Variants in CCDC149 observed in about 807,000 individuals in gnomAD.
CCDC149 encodes coiled-coil domain containing 149.
CCDC149 carries 45 observed loss-of-function variants against 59.9 expected under a neutral mutation model. The observed-to-expected ratio is 0.75, with a 90% confidence interval of 0.59 to 0.96. The LOEUF (loss-of-function observed/expected upper bound fraction) is 0.96, where lower values mean the gene tolerates loss of function less well. CCDC149 is among the 40% of genes least tolerant of loss of function. The probability of loss-of-function intolerance (pLI) is 0.00; values close to 1 mark genes in which losing one functional copy is unlikely to be tolerated. For synonymous variants in CCDC149, 245 were observed against 260.6 expected (o/e 0.94, Z 0.58); for missense variants, 584 against 664.7 (o/e 0.88, Z 1.33).
At chr4:24,824,892 G>GA (rs1715626222) in intron 9 of CCDC149, among the ~76,000 whole-genome samples, 4 of 152,186 alleles carry the variant, frequency 2.6e-5, no homozygotes, top group African/African-American at 9.7e-5. Context: ...GTTGAAACAT[G>GA]GATGTGCCCG....
intron 1 of CCDC149, among the ~76,000 whole-genome samples, chr4:24,928,872 T>C (rs567189852): frequency 3.9e-5 from 6 of 152,294 alleles, no homozygotes; most frequent in African/African-American, 1.4e-4. Flanking sequence ...TGGGGTGAAC[T>C]TCATGTGACA....
intron 1 of CCDC149, among the ~76,000 whole-genome samples, chr4:24,881,618 G>A (rs894853096): frequency 1.3e-5 from 2 of 152,216 alleles, no homozygotes; most frequent in African/African-American, 4.8e-5. Context: ...AACCCATCCT[G>A]ACTCATATGG....
At chr4:24,895,870 AT>A (rs1420885181) in intron 1 of CCDC149, among the ~76,000 whole-genome samples, 2 of 152,128 alleles carry the variant, frequency 1.3e-5, no homozygotes, top group Admixed American at 1.3e-4. Context: ...CTGTTGCTCA[AT>A]TTCCAGCCTA....
chr4:24,940,899 G>C (rs1201111273), intron 1 of CCDC149, among the ~76,000 whole-genome samples: 1 of 152,182 alleles, frequency 6.6e-6, no homozygotes, highest in African/African-American at 2.4e-5. Context: ...CATAAAGCAA[G>C]TCCTTAGTGA....
intron 1 of CCDC149, among the ~76,000 whole-genome samples, chr4:24,930,530 G>C (rs1722558392): frequency 1.3e-5 from 2 of 152,096 alleles, no homozygotes; most frequent in Admixed American, 1.3e-4. Flanking sequence ...GGTTTTCTTA[G>C]GCAAATGATT....
chr4:24,909,473 G>C (rs561612135), intron 1 of CCDC149, among the ~76,000 whole-genome samples: 118 of 152,260 alleles, frequency 7.7e-4, no homozygotes, highest in Middle Eastern at 6.8e-3. Context: ...ACTTGACTGG[G>C]CAGGGGAATT....
chr4:24,842,814 C>T (rs961570209), intron 4 of CCDC149, among the ~76,000 whole-genome samples: 5 of 152,190 alleles, frequency 3.3e-5, no homozygotes, highest in Admixed American at 1.3e-4. Flanking sequence ...TCTTAGCCTT[C>T]GTCTCTCACA....
At position 24,837,262 on chromosome 4, in the gene CCDC149, T is replaced by C; in HGVS notation, c.628A>G (p.Ile210Val). 6.2e-7 allele frequency: 1 copy of C among 1,614,248 alleles called. No homozygotes were observed. Among genetic ancestry groups the C allele is most frequent in the Non-Finnish European group, 8.5e-7 (1 of 1,180,042 alleles). The change falls in exon 6 of 13, where the codon ATC becomes GTC. Residue 210 changes from isoleucine (I) to valine (V), a missense_variant. Transcript: ENST00000635206. This position sits in a 1 kb window ranked among gnomAD's most constrained non-coding sequence, Gnocchi z 4.3. ...ATACACAGGGCGTCCACGTCAATGA[T>C]GCGGTTCTCGTGCCCACTCAGGATA... is the stretch of plus-strand genomic sequence containing the variant.
At chr4:24,806,115 A>C (rs1050690809), downstream of CCDC149, 9 of 152,206 alleles carry the variant, frequency 5.9e-5, no homozygotes, top group African/African-American at 1.9e-4. Flanking sequence ...GACAGCTGTA[A>C]GTAATTGCAG....
intron 1 of CCDC149, among the ~76,000 whole-genome samples, chr4:24,907,618 C>T (rs745693789): frequency 5.9e-5 from 9 of 152,174 alleles, no homozygotes; most frequent in Non-Finnish European, 1.2e-4. Flanking sequence ...AGGCAGCAAG[C>T]AGACTCAAAG....
At chr4:24,804,486 C>CAAAAA (rs397796144), downstream of CCDC149, among the ~76,000 whole-genome samples, 8 of 57,102 alleles carry the variant, frequency 1.4e-4, no homozygotes, top group African/African-American at 3.4e-4. Flanking sequence ...GTGAGACTCT[C>CAAAAA]AAAAAAAAAA....
At chr4:24,909,583 G>A (rs1451510284) in intron 1 of CCDC149, among the ~76,000 whole-genome samples, 1 of 152,116 alleles carries the variant, frequency 6.6e-6, no homozygotes, top group Non-Finnish European at 1.5e-5. Flanking sequence ...TGCTTGATAT[G>A]GTTTGGCTCT....
intron 1 of CCDC149, among the ~76,000 whole-genome samples, chr4:24,905,414 C>CGTGTGTGTGT (rs1163234474): frequency 3.8e-5 from 3 of 78,696 alleles, no homozygotes; most frequent in African/African-American, 1.4e-4. Context: ...TGCGTGCGTG[C>CGTGTGTGTGT]GTGTGTGTGT....
intron 9 of CCDC149, chr4:24,829,196 G>C (rs975566752): frequency 6.6e-6 from 1 of 152,366 alleles, no homozygotes; most frequent in African/African-American, 2.4e-5. Flanking sequence ...ATGGTCAAAG[G>C]GCATAACCAT....
At chr4:24,949,834 A>C (rs565818515) in intron 1 of CCDC149, among the ~76,000 whole-genome samples, 12 of 152,292 alleles carry the variant, frequency 7.9e-5, no homozygotes, top group Admixed American at 7.8e-4. Context: ...GACCAGTGGG[A>C]TCTTTCCCCA....
chr4:24,874,248 T>C (rs1177239213), intron 2 of CCDC149, among the ~76,000 whole-genome samples: 1 of 88,630 alleles, frequency 1.1e-5, no homozygotes, highest in Admixed American at 1.3e-4. Context: ...AGATTTGTTT[T>C]TTTTTTTTTT....
upstream of CCDC149, among the ~76,000 whole-genome samples, chr4:24,916,787 G>GGTGT (rs55857592): frequency 0.24 from 34,712 of 141,788 alleles, 4,318 homozygotes; most frequent in East Asian, 0.28. Flanking sequence ...GGTTTATAAT[G>GGTGT]GTGTGTGTGT....
At chr4:24,843,131 T>G (rs903682180) in intron 4 of CCDC149, among the ~76,000 whole-genome samples, 9 of 152,096 alleles carry the variant, frequency 5.9e-5, no homozygotes, top group Non-Finnish European at 5.9e-5. Flanking sequence ...GAAGATACAA[T>G]GCAATGATCA....
chr4:24,929,484 G>A (rs1431085640), intron 1 of CCDC149, among the ~76,000 whole-genome samples: 1 of 152,196 alleles, frequency 6.6e-6, no homozygotes, highest in Non-Finnish European at 1.5e-5. Flanking sequence ...AAAGTAGATG[G>A]GAAAAAATAG....
Sources: allele counts gnomAD v4.1 joint callset (sites outside exome capture counted in the v4.1 genomes callset), GRCh38; gene constraint gnomAD v4.1.1; non-coding constraint Gnocchi (gnomAD v3.1); transcripts MANE v1.5; gene names NCBI Gene and HGNC (gene_info 2026-07-23, HGNC 2026-07-21).